Variants in PRKAG3 observed in about 807,000 individuals in gnomAD.
PRKAG3 encodes the protein 5'-AMP-activated protein kinase subunit gamma-3.
A neutral mutation model predicts 56.5 loss-of-function variants in PRKAG3; 39 were observed. That is an observed-to-expected ratio of 0.69 (90% CI 0.53 to 0.90). The LOEUF is 0.90. PRKAG3 is among the 40% of genes least tolerant of loss of function. The probability of loss-of-function intolerance (pLI) is 0.00; values close to 1 mark genes in which losing one functional copy is unlikely to be tolerated. For missense variants in PRKAG3, 628 were observed against 627.5 expected (o/e 1.00, Z -0.01); for synonymous variants, 243 against 250.1 (o/e 0.97, Z 0.27).
chr2:218,827,415 G>C lies in PRKAG3; in HGVS notation c.876-42C>G, dbSNP rs1437102655. 3 of 1,613,714 alleles carry C rather than the reference G, an allele frequency of 1.9e-6. No individual in the cohort carries two copies. The highest frequency in any genetic ancestry group is 2.5e-6 in the Non-Finnish European group (3 of 1,179,734). Reference sequence around the variant, plus strand: ...AGTGAGCCTCGGGGCAGCCTAGGGAGAGACAACCTCCATCCCAGGCCCCTA... The same window carrying C: ...AGTGAGCCTCGGGGCAGCCTAGGGACAGACAACCTCCATCCCAGGCCCCTA... On this transcript the variant is annotated intron_variant, in intron 8 of 12. Transcript: ENST00000529249. The surrounding 1 kb of genome is among the most constrained non-coding windows in gnomAD (Gnocchi z 5.3).
chr2:218,830,232 C>T, exon 4 of PRKAG3: 1 of 1,614,094 alleles, frequency 6.2e-7, no homozygotes, highest in Non-Finnish European at 8.5e-7. Context: ...GTGCTGGAGC[C>T]TGCAGCTGAG....
downstream of PRKAG3, chr2:218,823,100 A>T: frequency 1.1e-6 from 1 of 918,962 alleles, no homozygotes; most frequent in Non-Finnish European, 1.3e-6. Flanking sequence ...AAAAGGGAAG[A>T]TGGTGACCAC....
At position 218,831,322 on chromosome 2, in the gene PRKAG3, G is replaced by T. The variant is rs1242265487; in HGVS notation, c.73+14C>A. 9 of 1,580,884 alleles carry T rather than the reference G, an allele frequency of 5.7e-6. No homozygotes were observed. The highest frequency in any genetic ancestry group is 7.8e-6 in the Non-Finnish European group (9 of 1,160,932). Reference sequence around the variant, plus strand: ...GGAAGAGGTTAGGCCCCAGGGAGGGGGCATTCTCCCTACCTTGATGCTCAG... The same window carrying T: ...GGAAGAGGTTAGGCCCCAGGGAGGGTGCATTCTCCCTACCTTGATGCTCAG... On this transcript the variant is annotated intron_variant, in intron 2 of 12. Transcript: ENST00000529249.
chr2:218,826,639 G>A (rs1943936128), intron 10 of PRKAG3: 1 of 414,604 alleles, frequency 2.4e-6, no homozygotes, highest in Non-Finnish European at 4.6e-6. Flanking sequence ...ACTAAAATCT[G>A]CTGCTTCCTC....
At chr2:218,830,525 G>T in intron 3 of PRKAG3, 144 bp from the exon 4 acceptor site, 1 of 1,216,658 alleles carries the variant, frequency 8.2e-7, no homozygotes, top group Non-Finnish European at 1.1e-6. Flanking sequence ...CCTGAGAGTC[G>T]CCCCAGGTAG....
Position 218,824,591 on chromosome 2 carries a change from T to G in PRKAG3, c.1169-15A>C. 1 of 1,606,734 alleles carries G rather than the reference T, an allele frequency of 6.2e-7. No homozygotes were observed. Among genetic ancestry groups the G allele is most frequent in the Non-Finnish European group, 8.5e-7 (1 of 1,173,532 alleles). On this transcript the variant is annotated splice_polypyrimidine_tract_variant and intron_variant, in intron 10 of 12. Coordinates refer to ENST00000529249, the Ensembl canonical transcript of PRKAG3. ...CACGACCTGACCTGCAGAGGGTGGT[T>G]GTGGGGGGTGGGGGGAGAAAGACAG... is the stretch of plus-strand genomic sequence containing the variant.
intron 4 of PRKAG3, among the ~76,000 whole-genome samples, chr2:218,829,325 C>CTT (rs200071537): frequency 1.4e-5 from 2 of 143,112 alleles, no homozygotes; most frequent in African/African-American, 2.6e-5. Context: ...TCTGTGATGC[C>CTT]TTTTTTTTTT....
At chr2:218,822,705 C>G, downstream of PRKAG3, 1 of 192,818 alleles carries the variant, frequency 5.2e-6, no homozygotes, top group Non-Finnish European at 9.5e-6. Context: ...CATGGTGGCC[C>G]CTGAAATGCA....
downstream of PRKAG3, chr2:218,822,308 T>C (rs1001083764): frequency 3.3e-5 from 5 of 152,198 alleles, no homozygotes; most frequent in Non-Finnish European, 7.3e-5. Context: ...ACTATATAAG[T>C]AATGAATTAA....
rs990435917 is a variant in PRKAG3 at position 218,827,716 on chromosome 2, C to T, written c.821-87G>A. 83 of 1,566,758 alleles carry T rather than the reference C, an allele frequency of 5.3e-5. No homozygotes were observed. Among genetic ancestry groups the T allele is most frequent in the East Asian group, 3.8e-4 (17 of 44,620 alleles). ...GGCAGCTTCCCTTCCGTCAGGCACC[C>T]GAGGCTCCTATTGTCCCTCCCCTGT... On this transcript the variant is annotated intron_variant, in intron 7 of 12. Transcript: ENST00000529249. The surrounding 1 kb of genome is among the most constrained non-coding windows in gnomAD (Gnocchi z 5.3).
intron 10 of PRKAG3, 66 bp downstream of exon 10, chr2:218,826,862 T>G: frequency 6.3e-7 from 1 of 1,591,778 alleles, no homozygotes; most frequent in Non-Finnish European, 8.6e-7. Context: ...GCCCTTCCCA[T>G]ATTCTCCCCA....
chr2:218,827,356 T>A lies in PRKAG3; in HGVS notation c.893A>T (p.Tyr298Phe), dbSNP rs1575211710. The A allele has an allele frequency of 1.2e-6, 2 of 1,613,950 alleles. No individual in the cohort carries two copies. Among genetic ancestry groups the A allele is most frequent in the Admixed American group, 3.3e-5 (2 of 59,978 alleles). ...ATGGATCCGGTTCTTGATGAGGGTG[T>A]AGACAGCTTCAAACAGGCTGCAGAG... Residue 298 changes from tyrosine (Y) to phenylalanine (F), a missense_variant, in exon 9 of 13, where the codon TAC (tyrosine) becomes TTC (phenylalanine). By Grantham distance (22) the Tyr-to-Phe change is conservative. Coordinates refer to ENST00000529249, the Ensembl canonical transcript of PRKAG3. This position sits in a 1 kb window ranked among gnomAD's most constrained non-coding sequence, Gnocchi z 5.3.
chr2:218,822,395 G>T (rs1453873343), downstream of PRKAG3: 3 of 152,188 alleles, frequency 2.0e-5, no homozygotes, highest in African/African-American at 7.2e-5. Context: ...AAGAGAAACG[G>T]CACTTGTGAT....
At chr2:218,823,469 C>G in exon 13 of PRKAG3, 1 of 450,664 alleles carries the variant, frequency 2.2e-6, no homozygotes, top group South Asian at 2.1e-5. Context: ...AGGACAGTCT[C>G]CATGACCTCA....
At position 218,828,605 on chromosome 2, in the gene PRKAG3, G is replaced by C; in HGVS notation, c.634-5C>G. 6.2e-7 allele frequency: 1 copy of C among 1,612,294 alleles called. No homozygotes were observed. Among genetic ancestry groups the C allele is most frequent in the Non-Finnish European group, 8.5e-7 (1 of 1,179,132 alleles). ...AGCAAAGAAGGCCTTCTTGATCTGAGGGGCCAGGGAGAACAGTCAAGGGTG... is the reference window on the plus strand; with the variant it reads ...AGCAAAGAAGGCCTTCTTGATCTGACGGGCCAGGGAGAACAGTCAAGGGTG... On this transcript the variant is annotated splice_polypyrimidine_tract_variant and splice_region_variant and intron_variant, in intron 4 of 12. Transcript: ENST00000529249.
exon 4 of PRKAG3, chr2:218,829,984 C>A: frequency 6.2e-7 from 1 of 1,613,282 alleles, no homozygotes; most frequent in Non-Finnish European, 8.5e-7. Flanking sequence ...TCACCTCCAG[C>A]ATGGTGTCGA....
chr2:218,825,421 T>A (rs896578851), intron 10 of PRKAG3, among the ~76,000 whole-genome samples: 1 of 151,358 alleles, frequency 6.6e-6, no homozygotes, highest in Admixed American at 6.6e-5. Flanking sequence ...GACAGGTGGA[T>A]CACTTGAGGT....
chr2:218,830,760 G>T lies in PRKAG3; in HGVS notation c.215C>A (p.Pro72Gln), dbSNP rs752338729. 2.5e-6 allele frequency: 4 copies of T among 1,612,380 alleles called. No individual in the cohort carries two copies. The Admixed American group carries it at 5.0e-5, about 20-fold the overall frequency. Residue 72 changes from proline to glutamine, a missense_variant, in exon 3 of 13, where the codon CCA becomes CAA. Coordinates refer to ENST00000529249, the Ensembl canonical transcript of PRKAG3. ...CTTGGCCTCACCTTCCCCCTGACCT[G>T]GTGGCTCCCCTTCCTCCACCGACTT... is the stretch of plus-strand genomic sequence containing the variant.
chr2:218,827,183 C>T lies in PRKAG3; in HGVS notation c.1002+64G>A, dbSNP rs1943945729. ...TCCCCACGACTGCTAGGGCTGAAGA[C>T]TCCTCAGGCCCTCTGATCACCTGCC... On this transcript the variant is annotated intron_variant, in intron 9 of 12. Coordinates refer to ENST00000529249, the Ensembl canonical transcript of PRKAG3. This position sits in a 1 kb window ranked among gnomAD's most constrained non-coding sequence, Gnocchi z 5.3. 1 of 1,613,366 alleles carries T rather than the reference C, an allele frequency of 6.2e-7. No homozygotes were observed. The highest frequency in any genetic ancestry group is 1.3e-5 in the African/African-American group (1 of 75,040).
Sources: gnomAD v4.1 joint callset for allele counts (sites outside exome capture counted in the v4.1 genomes callset) on GRCh38, gnomAD v4.1.1 for gene constraint, Gnocchi (gnomAD v3.1) non-coding constraint, MANE v1.5 for transcripts, NCBI Gene and HGNC (gene_info 2026-07-23, HGNC 2026-07-21) for gene names.